The following LEP variants were observed in gnomAD, a reference collection of about 807,000 sequenced individuals.
LEP encodes the protein leptin (murine obesity homolog).
Under a neutral mutation model 9.8 loss-of-function variants are expected in LEP, and 6 were observed. The observed-to-expected ratio is 0.61, with a 90% CI of 0.34 to 1.21. The LOEUF (loss-of-function observed/expected upper bound fraction) is 1.21. Ranked by LOEUF, LEP falls within the 50% of genes most tolerant of loss-of-function variation. LEP has a pLI of 0.04. For missense variants in LEP, 134 were observed against 198.1 expected (o/e 0.68, Z 1.94); for synonymous variants, 112 against 81.7 (o/e 1.37, Z -2.00).
chr7:128,255,205 C>CCA lies in LEP; in HGVS notation c.*448_*449dup, dbSNP rs923805933. The CCA allele has an allele frequency of 1.1e-5, 2 of 188,246 alleles. No individual in the cohort carries two copies. The highest frequency in any genetic ancestry group is 4.6e-5 in the African/African-American group (2 of 43,032). The allele number at this position is 188,246 out of a possible 1,614,324, so 11.7% of individuals were successfully genotyped here. A position where few individuals can be genotyped will look rare whatever the true frequency, so the allele number is the denominator to read the frequency against. ...CCAAGGAGTTCCATGAAGACCACAT[C>CCA]CACACACGCAGGAACTCCCAGCAAC... On this transcript the variant is annotated 3_prime_UTR_variant, in exon 3 of 3. Transcript: ENST00000308868.
chr7:128,249,922 C>T (rs531320870), intron 1 of LEP, among the ~76,000 whole-genome samples: 1 of 152,290 alleles, frequency 6.6e-6, no homozygotes, highest in Non-Finnish European at 1.5e-5. Context: ...CAATTTATTT[C>T]CAGCATCCAC....
intron 1 of LEP, among the ~76,000 whole-genome samples, chr7:128,246,074 A>C (rs1395207131): frequency 6.6e-6 from 1 of 151,474 alleles, no homozygotes; most frequent in African/African-American, 2.4e-5. Flanking sequence ...CCGTCAAAAA[A>C]AAAATAAAAA....
chr7:128,245,056 C>CTG (rs1293653141), intron 1 of LEP, among the ~76,000 whole-genome samples: 1 of 151,662 alleles, frequency 6.6e-6, no homozygotes, highest in Non-Finnish European at 1.5e-5. Flanking sequence ...GTGTGTGTGT[C>CTG]TGTGTGTGTG....
At chr7:128,251,880 C>G (rs563312757) in intron 1 of LEP, 111 bp from the exon 2 acceptor site, 103 of 866,718 alleles carry the variant, frequency 1.2e-4, no homozygotes, top group Non-Finnish European at 2.0e-4. Flanking sequence ...GTAGCCAGAG[C>G]AGAAAGCAAA....
rs756180416 is a variant in LEP, at chr7:128,254,497, G to T, written c.238G>T (p.Ala80Ser). The T allele has an allele frequency of 1.2e-6, 2 of 1,614,120 alleles. No homozygotes were observed. The highest frequency in any genetic ancestry group is 1.7e-5 in the Admixed American group (1 of 60,026). Reference sequence around the variant, plus strand: ...CTTATCCAAGATGGACCAGACACTGGCAGTCTACCAACAGATCCTCACCAG... The same window carrying T: ...CTTATCCAAGATGGACCAGACACTGTCAGTCTACCAACAGATCCTCACCAG... The part of the protein sequence containing the change: ...LTLSKMDQTL[A>S]VYQQILTSMP... The change falls in exon 3 of 3, where the codon GCA becomes TCA. Residue 80 changes from alanine (A) to serine (S), a missense_variant. Coordinates refer to ENST00000308868, the MANE Select transcript of LEP (RefSeq NM_000230.3).
rs41474844 is a variant in LEP at position 128,251,982 on chromosome 7, T to C, written c.-28-9T>C. ...GCTCCTTGCAGTGTGTGGTTCCTTC[T>C]GTTTTCAGGCCCAAGAAGCCCATCC... On this transcript the variant is annotated splice_polypyrimidine_tract_variant and intron_variant, in intron 1 of 2. Coordinates refer to ENST00000308868, the MANE Select transcript of LEP (RefSeq NM_000230.3). The C allele has an allele frequency of 2.9e-4, 475 of 1,612,998 alleles. No homozygotes were observed. The African/African-American group carries it at 5.5e-3, about 19-fold the overall frequency.
intron 1 of LEP, among the ~76,000 whole-genome samples, chr7:128,244,246 G>GACACACACACACAC (rs60815271): frequency 7.5e-5 from 11 of 147,144 alleles, no homozygotes; most frequent in South Asian, 2.2e-4. Context: ...GCAAGACCCT[G>GACACACACACACAC]ACACACACAC....
chr7:128,253,880 C>T (rs910154751), intron 2 of LEP, among the ~76,000 whole-genome samples: 1 of 152,220 alleles, frequency 6.6e-6, no homozygotes, highest in Non-Finnish European at 1.5e-5. Context: ...AGCCTCAGTG[C>T]TGTGGGCAGA....
chr7:128,249,489 G>T (rs977502131), intron 1 of LEP, among the ~76,000 whole-genome samples: 1 of 152,182 alleles, frequency 6.6e-6, no homozygotes, highest in Non-Finnish European at 1.5e-5. Flanking sequence ...CACACGACAG[G>T]TTCCTGAGAG....
At chr7:128,251,499 A>G (rs1270285344) in intron 1 of LEP, among the ~76,000 whole-genome samples, 15 of 152,218 alleles carry the variant, frequency 9.9e-5, no homozygotes, top group Admixed American at 9.2e-4. Flanking sequence ...ATGATAGAGC[A>G]CATTTCACAA....
chr7:128,249,398 G>A (rs1033389111), intron 1 of LEP, among the ~76,000 whole-genome samples: 3 of 152,232 alleles, frequency 2.0e-5, no homozygotes, highest in African/African-American at 7.2e-5. Context: ...CCTGGTTCAA[G>A]ATGGTGCTAG....
chr7:128,242,991 T>G (rs1795169340), intron 1 of LEP, among the ~76,000 whole-genome samples: 1 of 152,192 alleles, frequency 6.6e-6, no homozygotes, highest in Non-Finnish European at 1.5e-5. Context: ...TGAGCCAAAT[T>G]TTCCGGCAGT....
intron 1 of LEP, among the ~76,000 whole-genome samples, chr7:128,245,194 A>G (rs1394740134): frequency 1.3e-5 from 2 of 151,978 alleles, no homozygotes; most frequent in African/African-American, 2.4e-5. Flanking sequence ...TCCCAAACCA[A>G]CTATGGCTTT....
chr7:128,246,967 A>C (rs539703785), intron 1 of LEP, among the ~76,000 whole-genome samples: 178 of 152,280 alleles, frequency 1.2e-3, no homozygotes, highest in Middle Eastern at 6.8e-3. Context: ...GCTGCGTCCC[A>C]AATGAGCATA....
chr7:128,254,832 A>C lies in LEP; in HGVS notation c.*69A>C. 4 of 1,542,150 alleles carry C rather than the reference A, an allele frequency of 2.6e-6. No homozygotes were observed. Among genetic ancestry groups the C allele is most frequent in the Non-Finnish European group, 3.5e-6 (4 of 1,132,372 alleles). ...GGAACTCTGGCTTCCAGGTATCTCC[A>C]GGATTGAAGAGCATTGCATGGACAC... On this transcript the variant is annotated 3_prime_UTR_variant, in exon 3 of 3. Coordinates refer to ENST00000308868, the MANE Select transcript of LEP (RefSeq NM_000230.3).
chr7:128,256,331 A>G lies in LEP; in HGVS notation c.*1568A>G, dbSNP rs1795339612. The G allele has an allele frequency of 6.5e-6, 1 of 152,678 alleles. No homozygotes were observed. Among genetic ancestry groups the G allele is most frequent in the Non-Finnish European group, 1.5e-5 (1 of 68,068 alleles). 9.5% of individuals were successfully genotyped at this position (152,678 alleles called of 1,614,324 possible). On this transcript the variant is annotated 3_prime_UTR_variant, in exon 3 of 3. Transcript: ENST00000308868. The stretch of plus-strand genomic sequence containing the variant: ...TGCTGCTGTGTTTTTGCTATCACAC[A>G]GTGGGTGGTGGATCTGTCCAAGGAA...
intron 1 of LEP, among the ~76,000 whole-genome samples, chr7:128,244,671 C>A (rs1056768875): frequency 4.6e-5 from 7 of 152,218 alleles, no homozygotes; most frequent in African/African-American, 1.7e-4. Context: ...AGGCTAAGGA[C>A]AGGGAGGGCC....
chr7:128,241,768 A>G (rs2116198909), intron 1 of LEP, among the ~76,000 whole-genome samples: 1 of 152,342 alleles, frequency 6.6e-6, no homozygotes, highest in African/African-American at 2.4e-5. Flanking sequence ...TTCATTTTCC[A>G]GGGAAGTTCC....
At position 128,254,823 on chromosome 7, in the gene LEP, G is replaced by T; in HGVS notation, c.*60G>T. On this transcript the variant is annotated 3_prime_UTR_variant, in exon 3 of 3. Coordinates refer to ENST00000308868, the MANE Select transcript of LEP (RefSeq NM_000230.3). ...TTAAGGGAAGGAACTCTGGCTTCCA[G>T]GTATCTCCAGGATTGAAGAGCATTG... The T allele has an allele frequency of 6.3e-7, 1 of 1,575,128 alleles. No individual in the cohort carries two copies. The highest frequency in any genetic ancestry group is 8.6e-7 in the Non-Finnish European group (1 of 1,161,008).
Sources: gnomAD v4.1 joint callset for allele counts (sites outside exome capture counted in the v4.1 genomes callset) on GRCh38, gnomAD v4.1.1 for gene constraint, MANE v1.5 for transcripts, NCBI Gene and HGNC (gene_info 2026-07-23, HGNC 2026-07-21) for gene names.